NR2F1-AS1: variants seen among roughly 807,000 people sequenced by gnomAD.
NR2F1-AS1 encodes NR2F1 antisense RNA 1.
intron 4 of NR2F1-AS1, chr5:93,545,028 GC>G (rs2149908328): frequency 6.6e-6 from 1 of 152,238 alleles, no homozygotes; most frequent in African/African-American, 2.4e-5. Flanking sequence ...CCTATGGGGG[GC>G]TTTTGATAAG....
At chr5:93,429,162 C>T (rs141485790) in intron 4 of NR2F1-AS1, among the ~76,000 whole-genome samples, 1 of 152,254 alleles carries the variant, frequency 6.6e-6, no homozygotes, top group East Asian at 1.9e-4. Context: ...TTATGCTATA[C>T]TCATTCTTGG....
chr5:93,413,017 C>T (rs971448859), intron 4 of NR2F1-AS1, among the ~76,000 whole-genome samples: 7 of 151,300 alleles, frequency 4.6e-5, no homozygotes, highest in African/African-American at 1.7e-4. Flanking sequence ...TGCTGAGACC[C>T]TTCATAGGAA....
At chr5:93,460,376 A>G (rs543847373) in intron 4 of NR2F1-AS1, among the ~76,000 whole-genome samples, 7 of 152,296 alleles carry the variant, frequency 4.6e-5, no homozygotes, top group Non-Finnish European at 7.4e-5. Context: ...AGTTCTCCAC[A>G]TTTTAGAGTA....
chr5:93,557,722 A>G (rs1486770217), intron 2 of NR2F1-AS1, among the ~76,000 whole-genome samples: 1 of 152,202 alleles, frequency 6.6e-6, no homozygotes, highest in Non-Finnish European at 1.5e-5. Flanking sequence ...ATTTCTTAAA[A>G]TAAGACAATA....
rs79407489 is a variant in NR2F1-AS1 at position 93,545,158 on chromosome 5, G to T, written n.638+8603C>A. 2.5e-3 allele frequency among the ~76,000 whole-genome samples: 373 copies of T among 152,228 alleles called. 2 individuals carry two copies. The highest frequency in any genetic ancestry group is 8.5e-3 in the African/African-American group (353 of 41,550). On this transcript the variant is annotated intron_variant and non_coding_transcript_variant, in intron 4 of 5. Coordinates refer to ENST00000660523, the Ensembl canonical transcript of NR2F1-AS1. ...TTAAGTCCCTATAGAGTTAAGATGG[G>T]TTACACCGTTTAATAACAAACATCC...
intron 4 of NR2F1-AS1, among the ~76,000 whole-genome samples, chr5:93,430,719 G>A (rs941250622): frequency 1.3e-5 from 2 of 152,098 alleles, no homozygotes; most frequent in Admixed American, 1.3e-4. Context: ...AATAGAAACA[G>A]GTTTCTAAAA....
At chr5:93,525,012 G>T (rs1424517643) in intron 4 of NR2F1-AS1, among the ~76,000 whole-genome samples, 1 of 151,768 alleles carries the variant, frequency 6.6e-6, no homozygotes, top group African/African-American at 2.4e-5. Flanking sequence ...TAATAACAAG[G>T]TTAACCTTAA....
At chr5:93,509,785 T>A (rs1042467176) in intron 4 of NR2F1-AS1, among the ~76,000 whole-genome samples, 3 of 152,078 alleles carry the variant, frequency 2.0e-5, no homozygotes, top group Admixed American at 1.3e-4. Context: ...TTTCCTATTT[T>A]AAATGTTTTA....
At chr5:93,559,156 T>A (rs1406363168) in intron 2 of NR2F1-AS1, among the ~76,000 whole-genome samples, 2 of 152,256 alleles carry the variant, frequency 1.3e-5, no homozygotes, top group Non-Finnish European at 2.9e-5. Flanking sequence ...ACCACTTTTG[T>A]CAATGATCTT....
At chr5:93,568,975 A>G (rs917848332) in intron 1 of NR2F1-AS1, among the ~76,000 whole-genome samples, 3 of 152,194 alleles carry the variant, frequency 2.0e-5, no homozygotes, top group South Asian at 4.1e-4. Flanking sequence ...CTTTGATTAA[A>G]GATGTACCAG....
intron 2 of NR2F1-AS1, among the ~76,000 whole-genome samples, chr5:93,561,033 G>T (rs1158573868): frequency 7.9e-5 from 12 of 152,180 alleles, no homozygotes; most frequent in Non-Finnish European, 8.8e-5. Flanking sequence ...CAGCACTTTG[G>T]GATACCGAGG....
chr5:93,458,665 A>G (rs1477417133), intron 4 of NR2F1-AS1, among the ~76,000 whole-genome samples: 1 of 152,144 alleles, frequency 6.6e-6, no homozygotes, highest in East Asian at 1.9e-4. Context: ...AAATAAGAAA[A>G]CTGCCTTTCA....
chr5:93,504,533 C>T (rs2149887534), intron 4 of NR2F1-AS1, among the ~76,000 whole-genome samples: 1 of 152,064 alleles, frequency 6.6e-6, no homozygotes, highest in East Asian at 1.9e-4. Flanking sequence ...CATTTTCATG[C>T]TGCTGATAAA....
At chr5:93,490,784 T>C (rs1750822066) in intron 4 of NR2F1-AS1, among the ~76,000 whole-genome samples, 1 of 150,524 alleles carries the variant, frequency 6.6e-6, no homozygotes, top group Non-Finnish European at 1.5e-5. Flanking sequence ...GTGGTGGTGG[T>C]AGTCCTGGTA....
chr5:93,502,283 T>C (rs541510092), intron 4 of NR2F1-AS1, among the ~76,000 whole-genome samples: 20 of 152,274 alleles, frequency 1.3e-4, no homozygotes, highest in African/African-American at 4.8e-4. Flanking sequence ...GTAAACACAT[T>C]TGATCTACTT....
chr5:93,574,914 T>A (rs1194186744), intron 1 of NR2F1-AS1, among the ~76,000 whole-genome samples: 1 of 152,150 alleles, frequency 6.6e-6, no homozygotes, highest in Admixed American at 6.5e-5. Flanking sequence ...GGGAAACATA[T>A]CCGTTGGGGT....
intron 4 of NR2F1-AS1, among the ~76,000 whole-genome samples, chr5:93,414,696 C>T (rs777593528): frequency 2.6e-4 from 39 of 152,156 alleles, no homozygotes; most frequent in Non-Finnish European, 3.7e-4. Context: ...CTGGTGTTCT[C>T]CTGCCAGAAT....
intron 4 of NR2F1-AS1, among the ~76,000 whole-genome samples, chr5:93,412,795 G>T (rs1343515938): frequency 1.3e-5 from 2 of 152,112 alleles, no homozygotes; most frequent in African/African-American, 4.8e-5. Context: ...CACCACTCGT[G>T]ACTCTAAATC....
chr5:93,446,504 G>A (rs1406986998), intron 4 of NR2F1-AS1, among the ~76,000 whole-genome samples: 1 of 152,120 alleles, frequency 6.6e-6, no homozygotes, highest in Non-Finnish European at 1.5e-5. Context: ...GGGGTGTGAA[G>A]GACCTCTTCA....
Sources: gnomAD v4.1 joint callset for allele counts (sites outside exome capture counted in the v4.1 genomes callset) on GRCh38, gnomAD v4.1.1 for gene constraint, MANE v1.5 for transcripts, NCBI Gene and HGNC (gene_info 2026-07-23, HGNC 2026-07-21) for gene names.